ST6GAL2: variants seen among roughly 807,000 people sequenced by gnomAD.
ST6GAL2 encodes the protein beta-galactoside alpha-2,6-sialyltransferase 2.
Under a neutral mutation model 37.5 loss-of-function variants are expected in ST6GAL2, and 24 were observed. That is an observed-to-expected ratio of 0.64 (90% CI 0.46 to 0.90). The LOEUF (loss-of-function observed/expected upper bound fraction) is 0.90. ST6GAL2 is among the 40% of genes least tolerant of loss of function. The pLI, the probability that ST6GAL2 is intolerant of heterozygous loss-of-function variation, is 0.00. For synonymous variants in ST6GAL2, 306 were observed against 295.1 expected (o/e 1.04, Z -0.38); for missense variants, 715 against 712.7 (o/e 1.00, Z -0.04).
At position 106,885,146 on chromosome 2, in the gene ST6GAL2, G is replaced by A. The variant is rs532938483; in HGVS notation, c.-58+947C>T. 2.5e-4 allele frequency among the ~76,000 whole-genome samples: 38 copies of A among 151,790 alleles called. No homozygotes were observed. The South Asian group carries it at 6.5e-3, about 26-fold the overall frequency. ...AGAAAGTTCTCTAAATACAAAATGT[G>A]CTTCCAGCCCACCAAAGACCCCCCT... On this transcript the variant is annotated intron_variant, in intron 1 of 5. Coordinates refer to ENST00000409382, the MANE Select transcript of ST6GAL2 (RefSeq NM_001142351.2).
intron 1 of ST6GAL2, among the ~76,000 whole-genome samples, chr2:106,855,054 G>A (rs556639910): frequency 1.4e-4 from 21 of 152,070 alleles, no homozygotes; most frequent in African/African-American, 4.8e-4. Context: ...AATTTATGCT[G>A]CTATAATTCA....
upstream of ST6GAL2, chr2:106,886,541 C>G (rs1253761928): frequency 6.6e-6 from 1 of 151,806 alleles, no homozygotes; most frequent in Non-Finnish European, 1.5e-5. Context: ...CCGCGCTGCA[C>G]GCCTCATTGT....
chr2:106,845,410 G>A (rs1452115236), intron 1 of ST6GAL2, among the ~76,000 whole-genome samples: 1 of 152,234 alleles, frequency 6.6e-6, no homozygotes, highest in African/African-American at 2.4e-5. Context: ...AGTGCAGGGA[G>A]GCAACACAGA....
intron 5 of ST6GAL2, chr2:106,822,922 G>C (rs187204783): frequency 6.6e-6 from 1 of 151,974 alleles, no homozygotes; most frequent in Non-Finnish European, 1.5e-5. Flanking sequence ...GTAATTGTTC[G>C]CATGTTTTAG....
At chr2:106,807,959 T>C (rs1675480592) in intron 5 of ST6GAL2, among the ~76,000 whole-genome samples, 1 of 152,172 alleles carries the variant, frequency 6.6e-6, no homozygotes, top group African/African-American at 2.4e-5. Flanking sequence ...ACTAATGGCT[T>C]TCTTTCTTTT....
intron 5 of ST6GAL2, among the ~76,000 whole-genome samples, chr2:106,823,507 C>CAA (rs1553417633): frequency 1.5e-5 from 2 of 137,222 alleles, no homozygotes; most frequent in South Asian, 2.4e-4. Context: ...AGAGAGAGAT[C>CAA]GAGAGAGAGA....
At chr2:106,824,286 T>G (rs1277735701) in intron 5 of ST6GAL2, among the ~76,000 whole-genome samples, 2 of 152,226 alleles carry the variant, frequency 1.3e-5, no homozygotes, top group South Asian at 4.1e-4. Context: ...TTTATAGTTA[T>G]GTCTTCCAAA....
chr2:106,865,977 A>T (rs1392024074), intron 1 of ST6GAL2, among the ~76,000 whole-genome samples: 1 of 152,228 alleles, frequency 6.6e-6, no homozygotes, highest in Non-Finnish European at 1.5e-5. Context: ...CATTTGCATT[A>T]GGTTGTCTTT....
chr2:106,846,808 G>C (rs185135713), intron 1 of ST6GAL2, among the ~76,000 whole-genome samples: 29 of 152,326 alleles, frequency 1.9e-4, no homozygotes, highest in African/African-American at 7.0e-4. Flanking sequence ...CCCGCAGTTA[G>C]CTTACTATAT....
At chr2:106,821,046 T>A (rs1427453097) in intron 5 of ST6GAL2, among the ~76,000 whole-genome samples, 2 of 151,758 alleles carry the variant, frequency 1.3e-5, no homozygotes, top group Non-Finnish European at 2.9e-5. Flanking sequence ...CATAAAAAAG[T>A]AGAACAACTT....
intron 5 of ST6GAL2, among the ~76,000 whole-genome samples, chr2:106,826,258 C>T (rs1271148449): frequency 6.6e-6 from 1 of 152,164 alleles, no homozygotes; most frequent in Non-Finnish European, 1.5e-5. Flanking sequence ...GCAAGCTGTA[C>T]AGGAAGCACA....
rs987324451 is a variant in ST6GAL2, at chr2:106,803,361, T to A, written c.*3317A>T. On this transcript the variant is annotated 3_prime_UTR_variant, in exon 6 of 6. Transcript: ENST00000409382. ...ATGTATAAAAGCCCTCCCTTGCCCA[T>A]CCAAGCCTGATGCTTACATGCAACT... The A allele has an allele frequency of 6.6e-6, 1 of 152,084 alleles. No homozygotes were observed. Among genetic ancestry groups the A allele is most frequent in the African/African-American group, 2.4e-5 (1 of 41,414 alleles). The allele number at this position is 152,084 out of a possible 1,614,324, so 9.4% of individuals were successfully genotyped here. A position where few individuals can be genotyped will look rare whatever the true frequency, so the allele number is the denominator to read the frequency against.
At position 106,843,540 on chromosome 2, in the gene ST6GAL2, C is replaced by T. The variant is rs748431466; in HGVS notation, c.438G>A (p.Gly146=). ...GQPGWHSHTQ[G]TLGFPSPGEP... ...CCCCGGGGGAAGGGAATCCCAATGTCCCCTGAGTGTGGCTGTGCCACCCTG... is the reference window on the plus strand; with the variant it reads ...CCCCGGGGGAAGGGAATCCCAATGTTCCCTGAGTGTGGCTGTGCCACCCTG... The change falls in exon 2 of 6, where the codon GGG becomes GGA. Residue 146 remains glycine, a synonymous_variant. Coordinates refer to ENST00000409382, the MANE Select transcript of ST6GAL2 (RefSeq NM_001142351.2). The T allele has an allele frequency of 6.2e-7, 1 of 1,614,054 alleles. No homozygotes were observed. The highest frequency in any genetic ancestry group is 8.5e-7 in the Non-Finnish European group (1 of 1,180,018).
At chr2:106,823,486 C>CACACACACACACACAG (rs755735360) in intron 5 of ST6GAL2, among the ~76,000 whole-genome samples, 54 of 117,980 alleles carry the variant, frequency 4.6e-4, no homozygotes, top group East Asian at 1.3e-3. Flanking sequence ...CACACACACA[C>CACACACACACACACAG]AGAGAGAGAG....
intron 2 of ST6GAL2, among the ~76,000 whole-genome samples, chr2:106,839,911 C>T (rs41505654): frequency 0.01 from 1,594 of 152,288 alleles, 34 homozygotes; most frequent in African/African-American, 0.036. Flanking sequence ...TTCAATAACA[C>T]ATTCACAGTG....
At chr2:106,885,057 T>C (rs1438562506) in intron 1 of ST6GAL2, among the ~76,000 whole-genome samples, 1 of 151,096 alleles carries the variant, frequency 6.6e-6, no homozygotes, top group Non-Finnish European at 1.5e-5. Context: ...TGGCAAAAAA[T>C]GTTGATCAGA....
At chr2:106,863,810 ATAT>A (rs1381289284) in intron 1 of ST6GAL2, among the ~76,000 whole-genome samples, 4 of 152,146 alleles carry the variant, frequency 2.6e-5, no homozygotes, top group Non-Finnish European at 5.9e-5. Flanking sequence ...CTAGGAAGAG[ATAT>A]TATTATCATT....
intron 1 of ST6GAL2, among the ~76,000 whole-genome samples, chr2:106,883,958 T>A (rs1164434843): frequency 6.6e-6 from 1 of 152,046 alleles, no homozygotes; most frequent in East Asian, 1.9e-4. Context: ...TAAGAAGGAG[T>A]GGCAGAAGCC....
chr2:106,820,793 C>T (rs777020952), intron 5 of ST6GAL2, among the ~76,000 whole-genome samples: 11 of 151,556 alleles, frequency 7.3e-5, no homozygotes, highest in African/African-American at 1.5e-4. Flanking sequence ...TCTCTGACTA[C>T]CATGGAATAA....
Sources: gnomAD v4.1 joint callset for allele counts (sites outside exome capture counted in the v4.1 genomes callset) on GRCh38, gnomAD v4.1.1 for gene constraint, MANE v1.5 for transcripts, NCBI Gene and HGNC (gene_info 2026-07-23, HGNC 2026-07-21) for gene names.